Variants in BAALC observed in about 807,000 individuals in gnomAD.
BAALC encodes the protein brain and acute leukemia cytoplasmic protein.
BAALC carries 9 observed loss-of-function variants against 15.5 expected under a neutral mutation model. That is an observed-to-expected ratio of 0.58 (90% CI 0.35 to 1.02). BAALC has a LOEUF of 1.02. Ranked by LOEUF, BAALC falls within the 50% of genes least tolerant of loss-of-function variation. BAALC has a pLI of 0.02. For synonymous variants in BAALC, 80 were observed against 74.6 expected (o/e 1.07, Z -0.37); for missense variants, 201 against 192.4 (o/e 1.04, Z -0.27).
chr8:103,217,977 A>T (rs1812596401), intron 2 of BAALC, among the ~76,000 whole-genome samples: 1 of 152,216 alleles, frequency 6.6e-6, no homozygotes, highest in African/African-American at 2.4e-5. Context: ...TAAATAAAGC[A>T]TTTATAGACT....
At chr8:103,225,283 A>G (rs1483902983) in intron 2 of BAALC, among the ~76,000 whole-genome samples, 5 of 152,230 alleles carry the variant, frequency 3.3e-5, no homozygotes. Flanking sequence ...TGTGCTAGGC[A>G]CTGGGAACAC....
chr8:103,200,125 G>GT (rs1812181883), intron 1 of BAALC, among the ~76,000 whole-genome samples: 1 of 152,134 alleles, frequency 6.6e-6, no homozygotes, highest in African/African-American at 2.4e-5. Flanking sequence ...ACATGCAAGG[G>GT]TATGTGTTTT....
intron 1 of BAALC, among the ~76,000 whole-genome samples, chr8:103,148,362 C>A (rs1474050656): frequency 6.6e-6 from 1 of 152,126 alleles, no homozygotes; most frequent in Non-Finnish European, 1.5e-5. Flanking sequence ...CAGAAGGAAC[C>A]AACCCTGCTG....
intron 1 of BAALC, chr8:103,183,253 C>T: frequency 3.0e-6 from 2 of 674,680 alleles, no homozygotes; most frequent in Non-Finnish European, 5.4e-6. Flanking sequence ...GGCCAAGAGT[C>T]CTTTGTCAGA....
At chr8:103,218,225 G>T (rs1361010128) in intron 2 of BAALC, among the ~76,000 whole-genome samples, 2 of 151,894 alleles carry the variant, frequency 1.3e-5, no homozygotes, top group Admixed American at 6.5e-5. Flanking sequence ...CCTTATGCCT[G>T]GTGTTAATAG....
intron 1 of BAALC, among the ~76,000 whole-genome samples, chr8:103,147,963 T>C (rs1220287275): frequency 1.3e-5 from 2 of 152,226 alleles, no homozygotes; most frequent in Non-Finnish European, 2.9e-5. Flanking sequence ...CCACTCTGTC[T>C]CATGCCCAAC....
chr8:103,159,017 C>T (rs1315003173), intron 1 of BAALC, among the ~76,000 whole-genome samples: 1 of 152,100 alleles, frequency 6.6e-6, no homozygotes. Flanking sequence ...ATCAAAATAT[C>T]ATGTTGTACA....
chr8:103,169,797 G>C (rs1811436654), intron 1 of BAALC, among the ~76,000 whole-genome samples: 1 of 152,128 alleles, frequency 6.6e-6, no homozygotes, highest in Non-Finnish European at 1.5e-5. Flanking sequence ...TTTTTTATTA[G>C]AAAACAAAAC....
chr8:103,170,570 A>G (rs568972445), intron 1 of BAALC, among the ~76,000 whole-genome samples: 1 of 152,280 alleles, frequency 6.6e-6, no homozygotes, highest in South Asian at 2.1e-4. Context: ...CAAACCAAGG[A>G]ACACTACGGA....
intron 1 of BAALC, among the ~76,000 whole-genome samples, chr8:103,182,958 G>A (rs1203017989): frequency 2.0e-5 from 3 of 152,192 alleles, no homozygotes; most frequent in Admixed American, 6.5e-5. Context: ...TTCAGAGGCA[G>A]GAAAGGAAGT....
chr8:103,213,335 C>T (rs1167683895), intron 2 of BAALC: 1 of 400,098 alleles, frequency 2.5e-6, no homozygotes, highest in Non-Finnish European at 4.6e-6. Flanking sequence ...ATCTTGTTTT[C>T]TGTGGCCACT....
chr8:103,216,334 C>T (rs1395159475), intron 2 of BAALC, among the ~76,000 whole-genome samples: 5 of 152,088 alleles, frequency 3.3e-5, no homozygotes, highest in Admixed American at 3.3e-4. Flanking sequence ...TAGACATTGA[C>T]AAATAGTTTT....
intron 1 of BAALC, among the ~76,000 whole-genome samples, chr8:103,142,648 G>A (rs544425332): frequency 7.9e-4 from 121 of 152,354 alleles, no homozygotes; most frequent in Non-Finnish European, 1.1e-3. Flanking sequence ...CGTAAGTACA[G>A]CTTTAAGAAA....
At chr8:103,173,714 C>T (rs758322502) in intron 1 of BAALC, among the ~76,000 whole-genome samples, 1 of 152,122 alleles carries the variant, frequency 6.6e-6, no homozygotes, top group Non-Finnish European at 1.5e-5. Flanking sequence ...GATTTCCAAA[C>T]TTTATACTTA....
At chr8:103,196,039 T>C (rs895656467) in intron 1 of BAALC, among the ~76,000 whole-genome samples, 15 of 152,064 alleles carry the variant, frequency 9.9e-5, no homozygotes, top group African/African-American at 2.4e-5. Flanking sequence ...ATTAGGCCAA[T>C]TGGGAGAGCC....
At chr8:103,146,539 T>A (rs1446793906) in intron 1 of BAALC, among the ~76,000 whole-genome samples, 1 of 152,212 alleles carries the variant, frequency 6.6e-6, no homozygotes, top group African/African-American at 2.4e-5. Flanking sequence ...TCACACACAG[T>A]CCTATCCCTG....
At chr8:103,203,964 G>A (rs1038052740) in intron 1 of BAALC, among the ~76,000 whole-genome samples, 12 of 152,166 alleles carry the variant, frequency 7.9e-5, no homozygotes, top group Admixed American at 4.6e-4. Context: ...GAATTTCTGG[G>A]TTATGGTACC....
intron 1 of BAALC, chr8:103,183,579 A>C (rs1213480062): frequency 1.6e-6 from 1 of 639,624 alleles, no homozygotes; most frequent in Non-Finnish European, 2.8e-6. Flanking sequence ...AGGTGTCATG[A>C]AGCATATTTT....
At chr8:103,196,434 CCAT>C (rs1812100479) in intron 1 of BAALC, among the ~76,000 whole-genome samples, 1 of 152,138 alleles carries the variant, frequency 6.6e-6, no homozygotes, top group Non-Finnish European at 1.5e-5. Context: ...GCATGCACCA[CCAT>C]GCCTGGCTAA....
Sources: gnomAD v4.1 joint callset for allele counts (sites outside exome capture counted in the v4.1 genomes callset) on GRCh38, gnomAD v4.1.1 for gene constraint, MANE v1.5 for transcripts, NCBI Gene and HGNC (gene_info 2026-07-23, HGNC 2026-07-21) for gene names.